Variants in CMTM6 observed in about 807,000 individuals in gnomAD.
CMTM6 encodes the protein CKLF-like MARVEL transmembrane domain-containing protein 6.
CMTM6 carries 5 observed loss-of-function variants against 13.6 expected under a neutral mutation model. That is an observed-to-expected ratio of 0.37 (90% CI 0.19 to 0.77). The LOEUF is 0.77. CMTM6 is among the 30% of genes least tolerant of loss of function. CMTM6 has a pLI of 0.50. For synonymous variants in CMTM6, 99 were observed against 84.5 expected (o/e 1.17, Z -0.94); for missense variants, 196 against 218.6 (o/e 0.90, Z 0.65).
intron 1 of CMTM6, among the ~76,000 whole-genome samples, chr3:32,496,748 C>G (rs1354742464): frequency 6.6e-6 from 1 of 151,990 alleles, no homozygotes; most frequent in Non-Finnish European, 1.5e-5. Context: ...CCTGGATAGA[C>G]AGAGGACATT....
intron 1 of CMTM6, among the ~76,000 whole-genome samples, chr3:32,498,876 C>G (rs928554031): frequency 6.6e-6 from 1 of 151,922 alleles, no homozygotes; most frequent in African/African-American, 2.4e-5. Context: ...CCGCACCCGG[C>G]CTCAGTTTCA....
rs148774752 is a variant in CMTM6 at position 32,483,110 on chromosome 3, G to C, written c.*850C>G. On this transcript the variant is annotated 3_prime_UTR_variant, in exon 4 of 4. Transcript: ENST00000205636. Reference sequence around the variant, plus strand: ...ATCATAGTATGAACTCATCTCTTCAGATACTTGGTAAGTGGTCAAAGCTTG... The same window carrying C: ...ATCATAGTATGAACTCATCTCTTCACATACTTGGTAAGTGGTCAAAGCTTG... 10 of 152,762 alleles carry C rather than the reference G, an allele frequency of 6.5e-5. No individual in the cohort carries two copies. Among genetic ancestry groups the C allele is most frequent in the African/African-American group, 2.4e-4 (10 of 41,576 alleles). The allele number at this position is 152,762 out of a possible 1,614,324, so 9.5% of individuals were successfully genotyped here. A position where few individuals can be genotyped will look rare whatever the true frequency, so the allele number is the denominator to read the frequency against.
chr3:32,487,765 G>T (rs1368400627), intron 3 of CMTM6, 173 bp downstream of exon 3: 2 of 483,766 alleles, frequency 4.1e-6, no homozygotes, highest in East Asian at 3.1e-5. Flanking sequence ...TAGGCTCTAG[G>T]TTTTAAAGGC....
At chr3:32,486,922 G>A (rs543297522) in intron 3 of CMTM6, among the ~76,000 whole-genome samples, 159 of 152,216 alleles carry the variant, frequency 1.0e-3, no homozygotes, top group Non-Finnish European at 1.9e-3. Flanking sequence ...GCCTGCTTCC[G>A]CCTCGCCTTC....
chr3:32,501,474 C>T (rs1031507221), intron 1 of CMTM6, among the ~76,000 whole-genome samples: 7 of 152,194 alleles, frequency 4.6e-5, no homozygotes, highest in Admixed American at 6.5e-5. Context: ...AGGCCAGATC[C>T]TACTGGGTTC....
intron 3 of CMTM6, 124 bp from the exon 4 acceptor site, chr3:32,484,221 C>T (rs1697182443): frequency 2.3e-6 from 2 of 869,484 alleles, no homozygotes; most frequent in Non-Finnish European, 3.2e-6. Flanking sequence ...TACACGACTA[C>T]TCTTTAATGG....
chr3:32,497,199 T>A (rs886149085), intron 1 of CMTM6, among the ~76,000 whole-genome samples: 1 of 151,320 alleles, frequency 6.6e-6, no homozygotes, highest in Non-Finnish European at 1.5e-5. Context: ...CTGGCTAACA[T>A]GGTGAAACCC....
intron 1 of CMTM6, 81 bp from the exon 2 acceptor site, chr3:32,491,967 G>T: frequency 8.7e-7 from 1 of 1,146,960 alleles, no homozygotes; most frequent in Non-Finnish European, 1.2e-6. Flanking sequence ...TGAATAATAC[G>T]TTTACTCAAA....
chr3:32,496,244 CAAGTT>C (rs1266993913), intron 1 of CMTM6, among the ~76,000 whole-genome samples: 3 of 150,870 alleles, frequency 2.0e-5, no homozygotes, highest in Non-Finnish European at 4.4e-5. Context: ...GCTCCCATCT[CAAGTT>C]AAAGGCCAAC....
At chr3:32,501,033 C>CAA (rs36111581) in intron 1 of CMTM6, among the ~76,000 whole-genome samples, 35 of 124,984 alleles carry the variant, frequency 2.8e-4, no homozygotes, top group Non-Finnish European at 5.1e-4. Context: ...CCGTCTCTAC[C>CAA]AAAAAAAAAA....
At chr3:32,492,974 G>A (rs1164128806) in intron 1 of CMTM6, among the ~76,000 whole-genome samples, 1 of 152,194 alleles carries the variant, frequency 6.6e-6, no homozygotes, top group Non-Finnish European at 1.5e-5. Context: ...AATCTTTCTA[G>A]AGTCAGACTA....
At chr3:32,488,108 A>T in intron 2 of CMTM6, 72 bp from the exon 3 acceptor site, 2 of 1,091,238 alleles carry the variant, frequency 1.8e-6, no homozygotes, top group Non-Finnish European at 1.3e-6. Flanking sequence ...TTTCATTTTT[A>T]ACTTTAAAAA....
intron 1 of CMTM6, among the ~76,000 whole-genome samples, chr3:32,493,749 C>T (rs140069027): frequency 1.7e-3 from 265 of 152,296 alleles, no homozygotes; most frequent in African/African-American, 5.9e-3. Flanking sequence ...AGTATTTACA[C>T]ACACATGCAC....
chr3:32,495,189 A>G (rs1697280468), intron 1 of CMTM6, among the ~76,000 whole-genome samples: 1 of 152,174 alleles, frequency 6.6e-6, no homozygotes, highest in South Asian at 2.1e-4. Context: ...GAAAAAAAAT[A>G]GTCTAATTGT....
At chr3:32,495,816 T>G (rs1204106304) in intron 1 of CMTM6, among the ~76,000 whole-genome samples, 1 of 152,226 alleles carries the variant, frequency 6.6e-6, no homozygotes, top group Non-Finnish European at 1.5e-5. Context: ...CTACTGACCT[T>G]ACTGACCTAT....
chr3:32,487,354 A>AT lies in CMTM6; in HGVS notation c.414+583dup, dbSNP rs367895873. Among the ~76,000 whole-genome samples, 29 of 147,904 alleles carry AT rather than the reference A, an allele frequency of 2.0e-4. No homozygotes were observed. In the Middle Eastern group the frequency reaches 0.01, roughly 52 times the overall value. Reference sequence around the variant, plus strand: ...GTCTAGACCAACTTTTTTTTCTATTATTTTTTTTTTTCTTCTTATAGAGAT... The same window carrying AT: ...GTCTAGACCAACTTTTTTTTCTATTATTTTTTTTTTTTCTTCTTATAGAGAT... On this transcript the variant is annotated intron_variant, in intron 3 of 3. Transcript: ENST00000205636.
chr3:32,481,343 G>C lies in CMTM6; in HGVS notation c.*2617C>G, dbSNP rs1186946729. ...TTAATTAAATGGATTTATTTAAAAA[G>C]ACTATAAAATCTGACATCAAGAGAG... On this transcript the variant is annotated 3_prime_UTR_variant, in exon 4 of 4. Coordinates refer to ENST00000205636, the MANE Select transcript of CMTM6 (RefSeq NM_017801.3). The C allele has an allele frequency of 6.7e-6, 1 of 148,990 alleles. No individual in the cohort carries two copies. The highest frequency in any genetic ancestry group is 1.5e-5 in the Non-Finnish European group (1 of 67,496). 9.2% of individuals were successfully genotyped at this position (148,990 alleles called of 1,614,324 possible).
At chr3:32,492,672 C>T (rs1226776511) in intron 1 of CMTM6, among the ~76,000 whole-genome samples, 1 of 152,168 alleles carries the variant, frequency 6.6e-6, no homozygotes, top group Non-Finnish European at 1.5e-5. Context: ...GAGTGGCAAT[C>T]ACTGAGAGAT....
rs769365885 is a variant in CMTM6 at position 32,502,651 on chromosome 3, C to T, written c.95G>A (p.Gly32Asp). The T allele has an allele frequency of 6.3e-7, 1 of 1,595,136 alleles. No homozygotes were observed. Among genetic ancestry groups the T allele is most frequent in the Admixed American group, 1.7e-5 (1 of 57,782 alleles). Reference protein sequence around the residue: ...RSGLAAYFFMGRLPLLRRVLK... With the variant: ...RSGLAAYFFMDRLPLLRRVLK... ...AACGCGCCGGAGCAATGGGAGCCGGCCCATGAAAAAGTAGGCAGCGAGGCC... is the reference window on the plus strand; with the variant it reads ...AACGCGCCGGAGCAATGGGAGCCGGTCCATGAAAAAGTAGGCAGCGAGGCC... Residue 32 changes from glycine to aspartate, a missense_variant, in exon 1 of 4, where the codon GGC becomes GAC. Gly to Asp is a moderately conservative substitution (Grantham distance 94). Around this residue, in one of 2 missense-constraint regions of CMTM6, gnomAD observed 85 missense variants for 58.7 expected, o/e 1.45. Coordinates refer to ENST00000205636, the MANE Select transcript of CMTM6 (RefSeq NM_017801.3).
Sources: allele counts gnomAD v4.1 joint callset (sites outside exome capture counted in the v4.1 genomes callset), GRCh38; gene constraint gnomAD v4.1.1; regional missense constraint gnomAD v4.1.1; transcripts MANE v1.5; gene names NCBI Gene and HGNC (gene_info 2026-07-23, HGNC 2026-07-21).